The following TJP1 variants were observed in gnomAD, a reference collection of about 807,000 sequenced individuals.
TJP1 encodes tight junction protein 1, also known as tight junction protein ZO-1.
TJP1 carries 43 observed loss-of-function variants against 194.2 expected under a neutral mutation model. The observed-to-expected ratio is 0.22, with a 90% CI of 0.17 to 0.29. The LOEUF is 0.29. Among genes scored for constraint, TJP1 ranks in the 10% least tolerant of loss-of-function variants. The probability of loss-of-function intolerance (pLI) is 1.00; values close to 1 mark genes in which losing one functional copy is unlikely to be tolerated. For missense variants in TJP1, 1,971 were observed against 2,185.7 expected (o/e 0.90, Z 1.96); for synonymous variants, 801 against 779.0 (o/e 1.03, Z -0.47).
At chr15:29,942,460 T>C (rs2055113918) in intron 2 of TJP1, among the ~76,000 whole-genome samples, 1 of 152,222 alleles carries the variant, frequency 6.6e-6, no homozygotes, top group African/African-American at 2.4e-5. Flanking sequence ...CCTTTAGAAA[T>C]ATCTGAACAT....
intron 2 of TJP1, among the ~76,000 whole-genome samples, chr15:29,935,295 C>T (rs1202257625): frequency 6.6e-6 from 1 of 152,188 alleles, no homozygotes; most frequent in Admixed American, 6.5e-5. Context: ...AAATTCCTTA[C>T]ATTTACCTTC....
At chr15:29,733,561 G>A (rs1196225055) in intron 12 of TJP1, among the ~76,000 whole-genome samples, 1 of 152,186 alleles carries the variant, frequency 6.6e-6, no homozygotes, top group African/African-American at 2.4e-5. Flanking sequence ...CCACATGCTT[G>A]TTTTCTATTA....
chr15:29,735,742 T>C (rs2043987840), intron 11 of TJP1, among the ~76,000 whole-genome samples: 2 of 152,186 alleles, frequency 1.3e-5, no homozygotes. Flanking sequence ...GTTTTTGACC[T>C]AACTTGATTG....
chr15:29,956,375 G>GA (rs1490164337), intron 1 of TJP1: 1 of 1,279,980 alleles, frequency 7.8e-7, no homozygotes, highest in Non-Finnish European at 1.0e-6. Flanking sequence ...CTGCAAGAAA[G>GA]AAAAAAATTC....
chr15:29,921,602 C>T (rs969421948), intron 2 of TJP1, among the ~76,000 whole-genome samples: 1 of 152,196 alleles, frequency 6.6e-6, no homozygotes, highest in African/African-American at 2.4e-5. Flanking sequence ...GTGGGCTTGC[C>T]TGTGCTTCTC....
chr15:29,925,351 A>T (rs999111482), intron 2 of TJP1, among the ~76,000 whole-genome samples: 4 of 152,170 alleles, frequency 2.6e-5, no homozygotes, highest in Non-Finnish European at 5.9e-5. Flanking sequence ...ATCTGATAGC[A>T]CCCACATCTT....
At chr15:29,891,552 T>G (rs544996590) in intron 2 of TJP1, among the ~76,000 whole-genome samples, 11 of 152,350 alleles carry the variant, frequency 7.2e-5, no homozygotes, top group African/African-American at 2.6e-4. Context: ...CTGTTCAGCA[T>G]GTCTACTGGC....
intron 22 of TJP1, among the ~76,000 whole-genome samples, chr15:29,717,414 G>A (rs549169967): frequency 1.6e-4 from 25 of 152,334 alleles, no homozygotes; most frequent in Non-Finnish European, 2.6e-4. Flanking sequence ...AATCAGAAGA[G>A]CTGTATTCAA....
intron 2 of TJP1, among the ~76,000 whole-genome samples, chr15:29,900,402 G>C (rs58363512): frequency 0.018 from 2,751 of 152,322 alleles, 88 homozygotes; most frequent in African/African-American, 0.063. Flanking sequence ...GAGGGGTGCA[G>C]TGGGAACAGG....
At chr15:29,780,584 G>A (rs2047306344) in intron 2 of TJP1, among the ~76,000 whole-genome samples, 1 of 152,070 alleles carries the variant, frequency 6.6e-6, no homozygotes, top group Non-Finnish European at 1.5e-5. Flanking sequence ...GGAGACCTCC[G>A]CTCTACATAA....
Position 29,703,856 on chromosome 15 carries a change from TGGTCTTGAACTCCTGACCTCA to T in TJP1, c.5212+285_5212+305del, listed in dbSNP as rs1460238694. On this transcript the variant is annotated intron_variant, in intron 27 of 27. Coordinates refer to ENST00000614355, the MANE Select transcript of TJP1 (RefSeq NM_001330239.4). ...TGGGGTTTCACCATGTTGGTCAGGC[TGGTCTTGAACTCCTGACCTCA>T]GGTAATCCACTTGCCTCAGCCTCCC... Among the ~76,000 whole-genome samples the T allele has an allele frequency of 4.6e-5, 7 of 152,272 alleles. No individual in the cohort carries two copies. In the South Asian group the frequency reaches 1.5e-3, roughly 32 times the overall value.
rs2140174 is a variant in TJP1 at position 29,916,974 on chromosome 15, C to T, written c.306+39258G>A. ...CACATACGCACACAGAACCCCCCCT[C>T]CACCACCACCTTTCATGGTGTATTT... On this transcript the variant is annotated intron_variant, in intron 2 of 28. Transcript: ENST00000356107. Among the ~76,000 whole-genome samples the T allele has an allele frequency of 1.2e-3, 182 of 152,306 alleles. 2 individuals carry two copies. Among genetic ancestry groups the T allele is most frequent in the Non-Finnish European group, 2.5e-3 (169 of 68,030 alleles).
chr15:29,708,323 A>C (rs114965890), intron 25 of TJP1, among the ~76,000 whole-genome samples: 3,513 of 152,304 alleles, frequency 0.023, 47 homozygotes, highest in South Asian at 0.054. Context: ...GTTCTTAGTA[A>C]AACAGGGATG....
Position 29,822,081 on chromosome 15 carries a change from G to T in TJP1, c.-53C>A. ...CTCCTCGGACCCGAAACTCCGCGGC[G>T]CTGGCCCGCCCGCTCCTCACGCCAC... On this transcript the variant is annotated 5_prime_UTR_variant, in exon 1 of 28. Transcript: ENST00000614355. The T allele has an allele frequency of 1.6e-6, 2 of 1,246,240 alleles. No homozygotes were observed. The highest frequency in any genetic ancestry group is 6.4e-5 in the East Asian group (2 of 31,268). 77.2% of individuals were successfully genotyped at this position (1,246,240 alleles called of 1,614,324 possible). A position where few individuals can be genotyped will look rare whatever the true frequency, so the allele number is the denominator to read the frequency against.
chr15:29,948,295 C>T (rs572164231), intron 2 of TJP1, among the ~76,000 whole-genome samples: 2 of 151,858 alleles, frequency 1.3e-5, no homozygotes, highest in South Asian at 2.1e-4. Context: ...ATTCAATCAA[C>T]CAAAGGCACT....
chr15:29,835,606 C>T (rs1240066475), intron 2 of TJP1, among the ~76,000 whole-genome samples: 2 of 151,610 alleles, frequency 1.3e-5, no homozygotes, highest in African/African-American at 4.8e-5. Flanking sequence ...GCTATGATCG[C>T]GCCACTGCAC....
chr15:29,942,277 G>GGA (rs2055107317), intron 2 of TJP1, among the ~76,000 whole-genome samples: 1 of 152,160 alleles, frequency 6.6e-6, no homozygotes, highest in South Asian at 2.1e-4. Flanking sequence ...GATGAGAGAT[G>GGA]ATGGCACAGG....
chr15:29,852,451 C>T (rs1372686309), intron 2 of TJP1, among the ~76,000 whole-genome samples: 1 of 152,192 alleles, frequency 6.6e-6, no homozygotes, highest in African/African-American at 2.4e-5. Context: ...TATTTGGTGA[C>T]AGCACCAAGT....
intron 18 of TJP1, among the ~76,000 whole-genome samples, chr15:29,723,658 C>A (rs1031947412): frequency 6.6e-6 from 1 of 152,174 alleles, no homozygotes; most frequent in Non-Finnish European, 1.5e-5. Context: ...GTGGTTGCTA[C>A]ATTAAGAAGA....
Sources: allele counts gnomAD v4.1 joint callset (sites outside exome capture counted in the v4.1 genomes callset), GRCh38; gene constraint gnomAD v4.1.1; transcripts MANE v1.5; gene names NCBI Gene and HGNC (gene_info 2026-07-23, HGNC 2026-07-21).